BEND6: variants seen among roughly 807,000 people sequenced by gnomAD.
BEND6 encodes the protein BEN domain containing 6.
Under a neutral mutation model 31.8 loss-of-function variants are expected in BEND6, and 24 were observed. That is an observed-to-expected ratio of 0.75 (90% confidence interval 0.55 to 1.06). The LOEUF (loss-of-function observed/expected upper bound fraction) is 1.06. BEND6 is among the 50% of genes least tolerant of loss of function. BEND6 has a pLI of 0.00. For synonymous variants in BEND6, 109 were observed against 114.6 expected (o/e 0.95, Z 0.31); for missense variants, 294 against 327.4 (o/e 0.90, Z 0.79).
chr6:57,002,485 T>G (rs1351426177), intron 3 of BEND6, among the ~76,000 whole-genome samples: 1 of 152,140 alleles, frequency 6.6e-6, no homozygotes, highest in Non-Finnish European at 1.5e-5. Context: ...TCTCAATAAA[T>G]TCAAAAAAAT....
intron 3 of BEND6, among the ~76,000 whole-genome samples, chr6:56,994,014 T>C (rs1159953667): frequency 6.6e-6 from 1 of 152,232 alleles, no homozygotes; most frequent in Non-Finnish European, 1.5e-5. Context: ...TTCTTCATTT[T>C]ACATATTATG....
At chr6:56,991,810 C>T (rs1011573045) in intron 2 of BEND6, among the ~76,000 whole-genome samples, 3 of 152,162 alleles carry the variant, frequency 2.0e-5, no homozygotes, top group Non-Finnish European at 4.4e-5. Flanking sequence ...GATTCCCTCA[C>T]GTCCCCTGTC....
intron 2 of BEND6, among the ~76,000 whole-genome samples, chr6:56,984,107 G>A (rs1450116852): frequency 6.6e-6 from 1 of 151,980 alleles, no homozygotes; most frequent in Admixed American, 6.6e-5. Flanking sequence ...TGTAGTCCTA[G>A]CTACTTGGGA....
In BEND6 at chr6:56,975,661, A is replaced by T. The variant is rs149301742; in HGVS notation, c.-100-6050A>T. 2.7e-4 allele frequency: 108 copies of T among 403,654 alleles called. No homozygotes were observed. In the East Asian group the frequency reaches 6.1e-3, roughly 23 times the overall value. The allele number at this position is 403,654 out of a possible 1,614,324, so 25.0% of individuals were successfully genotyped here. On this transcript the variant is annotated intron_variant, in intron 1 of 6. Coordinates refer to ENST00000370746, the MANE Select transcript of BEND6 (RefSeq NM_152731.3). ...TCATGAAAACTCTAGCCGTGAAAAA[A>T]CTCAGTAGGACACACATGAATTTAA...
Position 56,981,919 on chromosome 6 carries a change from G to A in BEND6, c.109G>A (p.Asp37Asn). The change falls in exon 2 of 7, where the codon GAT (aspartate) becomes AAT (asparagine). Residue 37 changes from aspartate to asparagine, a missense_variant. Physicochemically the swap from Asp to Asn is conservative, Grantham distance 23. Transcript: ENST00000370746. The part of the protein sequence containing the change: ...MDSENANSDM[D>N]KGQRDPYSGN... ...CTCAGAAAATGCAAATAGTGACATGGATAAAGGACAGGTTGGTTTTTTGTT... is the reference window on the plus strand; with the variant it reads ...CTCAGAAAATGCAAATAGTGACATGAATAAAGGACAGGTTGGTTTTTTGTT... 1.2e-6 allele frequency: 2 copies of A among 1,608,846 alleles called. No homozygotes were observed.
At chr6:56,994,541 T>A (rs1344315526) in intron 3 of BEND6, among the ~76,000 whole-genome samples, 1 of 150,202 alleles carries the variant, frequency 6.7e-6, no homozygotes, top group Admixed American at 6.6e-5. Context: ...CTGTAAAACT[T>A]TGGCCATATT....
chr6:57,008,297 T>C, intron 3 of BEND6: 1 of 699,686 alleles, frequency 1.4e-6, no homozygotes, highest in South Asian at 1.5e-5. Context: ...CTGTCTCTAT[T>C]ATTTTGGCTT....
chr6:57,001,620 A>G (rs555557085), intron 3 of BEND6, among the ~76,000 whole-genome samples: 1 of 152,216 alleles, frequency 6.6e-6, no homozygotes, highest in African/African-American at 2.4e-5. Flanking sequence ...TCCAACCAAG[A>G]GGTACATATC....
rs1827893654 is a variant in BEND6, at chr6:57,026,114, A to T, written c.*42A>T. 1 of 152,180 alleles carries T rather than the reference A, an allele frequency of 6.6e-6. No homozygotes were observed. Among genetic ancestry groups the T allele is most frequent in the Admixed American group, 6.5e-5 (1 of 15,278 alleles). 9.4% of individuals were successfully genotyped at this position (152,180 alleles called of 1,614,324 possible). A position where few individuals can be genotyped will look rare whatever the true frequency, so the allele number is the denominator to read the frequency against. ...AGGTATCTGAAACAAAGCACCTTCAATTCTAAATCTAGCACTGGATTTTGT... is the reference window on the plus strand; with the variant it reads ...AGGTATCTGAAACAAAGCACCTTCATTTCTAAATCTAGCACTGGATTTTGT... On this transcript the variant is annotated 3_prime_UTR_variant, in exon 7 of 7. Transcript: ENST00000370746.
chr6:57,000,318 T>G (rs986145130), intron 3 of BEND6, among the ~76,000 whole-genome samples: 1 of 152,138 alleles, frequency 6.6e-6, no homozygotes, highest in Non-Finnish European at 1.5e-5. Context: ...ACATGTGCTG[T>G]GTTAACTCAG....
chr6:57,000,349 G>A (rs1163796085), intron 3 of BEND6, among the ~76,000 whole-genome samples: 1 of 152,034 alleles, frequency 6.6e-6, no homozygotes, highest in Non-Finnish European at 1.5e-5. Context: ...GTTAAGGGTG[G>A]TGCAAGATGT....
intron 1 of BEND6, among the ~76,000 whole-genome samples, chr6:56,967,711 C>G (rs2127842063): frequency 6.6e-6 from 1 of 152,244 alleles, no homozygotes; most frequent in African/African-American, 2.4e-5. Context: ...ACAGGGCAAA[C>G]TTAGGCAAGG....
intron 3 of BEND6, among the ~76,000 whole-genome samples, chr6:56,999,592 C>T (rs1826849420): frequency 2.6e-5 from 4 of 152,242 alleles, no homozygotes; most frequent in Admixed American, 2.0e-4. Flanking sequence ...CTTGTGCCTG[C>T]TATCAGGAGA....
intron 2 of BEND6, among the ~76,000 whole-genome samples, chr6:56,991,230 C>A (rs1412115948): frequency 6.6e-6 from 1 of 152,110 alleles, no homozygotes; most frequent in Non-Finnish European, 1.5e-5. Flanking sequence ...TTACTTCTTT[C>A]ATAAAGCTCT....
intron 1 of BEND6, among the ~76,000 whole-genome samples, chr6:56,957,399 ATTTG>A (rs1277593764): frequency 6.6e-6 from 1 of 152,138 alleles, no homozygotes; most frequent in Non-Finnish European, 1.5e-5. Flanking sequence ...TTATTTTCTG[ATTTG>A]TTTGTTGCTA....
intron 3 of BEND6, 79 bp downstream of exon 3, chr6:56,992,634 A>C: frequency 7.0e-7 from 1 of 1,422,320 alleles, no homozygotes; most frequent in South Asian, 1.5e-5. Flanking sequence ...TTAGCTGTCA[A>C]GAATGAAGAA....
chr6:56,975,394 G>GA (rs961601135), intron 1 of BEND6, among the ~76,000 whole-genome samples: 2 of 151,796 alleles, frequency 1.3e-5, no homozygotes, highest in African/African-American at 2.4e-5. Context: ...GGTCAGCAGG[G>GA]AAAAAAAATA....
intron 6 of BEND6, among the ~76,000 whole-genome samples, chr6:57,021,431 C>T (rs1026897825): frequency 2.6e-5 from 4 of 152,200 alleles, no homozygotes; most frequent in African/African-American, 9.6e-5. Context: ...GCCCTCCACT[C>T]AGTCCTGAGC....
At position 57,012,196 on chromosome 6, in the gene BEND6, A is replaced by AG. The variant is rs149831125; in HGVS notation, c.299-2935dup. 2.2e-3 allele frequency among the ~76,000 whole-genome samples: 333 copies of AG among 152,348 alleles called. 1 individual carries two copies. Among genetic ancestry groups the AG allele is most frequent in the African/African-American group, 7.7e-3 (322 of 41,574 alleles). ...ATATTAGGGAAAATAGCCCATCGAC[A>AG]GGTGAATGGATACATTAATTATAAA... is the stretch of plus-strand genomic sequence containing the variant. On this transcript the variant is annotated intron_variant, in intron 3 of 6. Coordinates refer to ENST00000370746, the MANE Select transcript of BEND6 (RefSeq NM_152731.3).
Sources: gnomAD v4.1 joint callset for allele counts (sites outside exome capture counted in the v4.1 genomes callset) on GRCh38, gnomAD v4.1.1 for gene constraint, MANE v1.5 for transcripts, NCBI Gene and HGNC (gene_info 2026-07-23, HGNC 2026-07-21) for gene names.